Variants in HIBADH observed in about 807,000 individuals in gnomAD.
HIBADH encodes 3-hydroxyisobutyrate dehydrogenase, mitochondrial.
Under a neutral mutation model 36.1 loss-of-function variants are expected in HIBADH, and 25 were observed. The ratio of observed to expected loss-of-function variants is 0.69; its 90% CI spans 0.50 to 0.97. HIBADH has a LOEUF of 0.97. Ranked by LOEUF, HIBADH falls within the 50% of genes least tolerant of loss-of-function variation. The probability of loss-of-function intolerance (pLI) is 0.00; values close to 1 mark genes in which losing one functional copy is unlikely to be tolerated. For synonymous variants in HIBADH, 160 were observed against 149.5 expected (o/e 1.07, Z -0.51); for missense variants, 421 against 418.0 (o/e 1.01, Z -0.06).
chr7:27,618,383 G>A (rs540125205), intron 4 of HIBADH, among the ~76,000 whole-genome samples: 1 of 152,318 alleles, frequency 6.6e-6, no homozygotes, highest in African/African-American at 2.4e-5. Flanking sequence ...AACATGTCTG[G>A]GGCTGTTGGG....
In HIBADH at chr7:27,649,647, ATTAT is replaced by A. The variant is rs1236065046; in HGVS notation, c.92-18_92-15del. The A allele has an allele frequency of 1.3e-6, 2 of 1,553,892 alleles. No individual in the cohort carries two copies. The highest frequency in any genetic ancestry group is 2.7e-5 in the African/African-American group (2 of 72,808). ...ACCTAGAACACACTGATTTCAATAC[ATTAT>A]TTTCAATAGGGGCAAATAACATTTT... On this transcript the variant is annotated splice_polypyrimidine_tract_variant and intron_variant, in intron 1 of 7. Transcript: ENST00000265395.
chr7:27,624,575 T>C (rs6970104), intron 4 of HIBADH, among the ~76,000 whole-genome samples: 108,970 of 152,146 alleles, frequency 0.72, 39,159 homozygotes, highest in East Asian at 0.94. Context: ...AGATTGGGTC[T>C]AGCTGGAATG....
At chr7:27,603,725 CTAAAT>C (rs1785171862) in intron 4 of HIBADH, among the ~76,000 whole-genome samples, 1 of 152,040 alleles carries the variant, frequency 6.6e-6, no homozygotes, top group African/African-American at 2.4e-5. Flanking sequence ...TCAAATTTCA[CTAAAT>C]TAAATTTTAT....
At chr7:27,618,198 C>T (rs893705276) in intron 4 of HIBADH, among the ~76,000 whole-genome samples, 9 of 152,204 alleles carry the variant, frequency 5.9e-5, no homozygotes, top group African/African-American at 1.7e-4. Context: ...CTGCTATCAC[C>T]GGAGGCTGGG....
chr7:27,589,611 T>C (rs1784911844), intron 4 of HIBADH, among the ~76,000 whole-genome samples: 1 of 152,210 alleles, frequency 6.6e-6, no homozygotes, highest in African/African-American at 2.4e-5. Context: ...ATGCCCACTA[T>C]GCATCAGAGA....
In HIBADH at chr7:27,531,302, A is replaced by G; in HGVS notation, c.742T>C (p.Ser248Pro). 2 of 1,613,832 alleles carry G rather than the reference A, an allele frequency of 1.2e-6. No homozygotes were observed. Among genetic ancestry groups the G allele is most frequent in the Non-Finnish European group, 1.7e-6 (2 of 1,179,820 alleles). ...KLLAKILNMS[S>P]GRCWSSDTYN... The stretch of plus-strand genomic sequence containing the variant: ...GTGTCACTTGACCAACACCGTCCTG[A>G]GCTCATATTTAGGATTTTAGCCAGT... The change falls in exon 7 of 8, where the codon TCA becomes CCA. Residue 248 changes from serine (S) to proline (P), a missense_variant. Transcript: ENST00000265395.
At chr7:27,559,303 C>A (rs1784434014) in intron 4 of HIBADH, among the ~76,000 whole-genome samples, 1 of 152,074 alleles carries the variant, frequency 6.6e-6, no homozygotes, top group African/African-American at 2.4e-5. Context: ...TGGGAGCCCA[C>A]AAATCAACCC....
At chr7:27,543,187 T>G in intron 4 of HIBADH, 87 bp from the exon 5 acceptor site, 1 of 1,364,152 alleles carries the variant, frequency 7.3e-7, no homozygotes, top group South Asian at 1.3e-5. Context: ...AGAAACCAAC[T>G]AAAAACATCC....
chr7:27,570,591 C>G (rs543599325), intron 4 of HIBADH, among the ~76,000 whole-genome samples: 21 of 151,864 alleles, frequency 1.4e-4, no homozygotes, highest in Non-Finnish European at 2.9e-4. Flanking sequence ...AAACTCCCCT[C>G]TGCCTTAAAC....
At chr7:27,571,167 T>G (rs1254205564) in intron 4 of HIBADH, among the ~76,000 whole-genome samples, 1 of 152,206 alleles carries the variant, frequency 6.6e-6, no homozygotes, top group African/African-American at 2.4e-5. Flanking sequence ...ATGATTTTTC[T>G]AAATTCGGTC....
At chr7:27,590,796 G>A (rs1784927572) in intron 4 of HIBADH, among the ~76,000 whole-genome samples, 1 of 152,102 alleles carries the variant, frequency 6.6e-6, no homozygotes, top group Non-Finnish European at 1.5e-5. Flanking sequence ...AATATTATTT[G>A]AATCATTTGA....
At chr7:27,564,478 C>A (rs1158060828) in intron 4 of HIBADH, among the ~76,000 whole-genome samples, 1 of 152,178 alleles carries the variant, frequency 6.6e-6, no homozygotes, top group Non-Finnish European at 1.5e-5. Context: ...AAAACAAAAA[C>A]ATTCACGAGT....
intron 6 of HIBADH, among the ~76,000 whole-genome samples, chr7:27,535,367 CTA>C (rs905080728): frequency 6.6e-6 from 1 of 152,042 alleles, no homozygotes; most frequent in Admixed American, 6.6e-5. Flanking sequence ...ATGCAAGAAA[CTA>C]TTAATAAAAC....
chr7:27,628,569 A>G (rs1037160633), intron 4 of HIBADH, among the ~76,000 whole-genome samples: 11 of 152,096 alleles, frequency 7.2e-5, no homozygotes, highest in African/African-American at 2.4e-4. Context: ...GTATGAGTTA[A>G]TAGTAAATTT....
intron 6 of HIBADH, among the ~76,000 whole-genome samples, chr7:27,537,741 A>C (rs1394053720): frequency 1.3e-4 from 20 of 152,212 alleles, no homozygotes; most frequent in Admixed American, 1.2e-3. Flanking sequence ...CTTTAAGCAA[A>C]GTATGCCACT....
chr7:27,623,596 A>AGAT (rs1192074637), intron 4 of HIBADH, among the ~76,000 whole-genome samples: 1 of 152,208 alleles, frequency 6.6e-6, no homozygotes, highest in East Asian at 1.9e-4. Flanking sequence ...TAGCATTTCT[A>AGAT]TAAACCAAGA....
intron 4 of HIBADH, among the ~76,000 whole-genome samples, chr7:27,559,195 A>G (rs1784432712): frequency 6.6e-6 from 1 of 152,192 alleles, no homozygotes; most frequent in Non-Finnish European, 1.5e-5. Flanking sequence ...GGCCCACCTT[A>G]ATGACCTCAC....
rs577789372 is a variant in HIBADH, at chr7:27,542,875, A to C, written c.618+92T>G. The C allele has an allele frequency of 6.9e-4, 913 of 1,330,672 alleles. 7 individuals carry two copies. The highest frequency in any genetic ancestry group is 6.0e-3 in the South Asian group (429 of 70,950). 82.4% of individuals were successfully genotyped at this position (1,330,672 alleles called of 1,614,324 possible). A position where few individuals can be genotyped will look rare whatever the true frequency, so the allele number is the denominator to read the frequency against. The stretch of plus-strand genomic sequence containing the variant: ...TCTGAGCAAAGAATCCATAGGTTGA[A>C]GAAAGAAGAATAAAAATATGGTCAG... On this transcript the variant is annotated intron_variant, in intron 5 of 7. Transcript: ENST00000265395.
In HIBADH at chr7:27,530,932, G is replaced by GCA. The variant is rs371803902; in HGVS notation, c.852+258_852+259dup. 4.3e-4 allele frequency among the ~76,000 whole-genome samples: 65 copies of GCA among 150,766 alleles called. 1 individual carries two copies. The highest frequency in any genetic ancestry group is 6.9e-3 in the Middle Eastern group (2 of 290). The stretch of plus-strand genomic sequence containing the variant: ...GGCTCATATAAATAAACCCAAGTGC[G>GCA]CACACACACACACACGCACACACAT... On this transcript the variant is annotated intron_variant, in intron 7 of 7. Coordinates refer to ENST00000265395, the MANE Select transcript of HIBADH (RefSeq NM_152740.4).
Sources: allele counts gnomAD v4.1 joint callset (sites outside exome capture counted in the v4.1 genomes callset), GRCh38; gene constraint gnomAD v4.1.1; transcripts MANE v1.5; gene names NCBI Gene and HGNC (gene_info 2026-07-23, HGNC 2026-07-21).